Variants in TBC1D2 observed in about 807,000 individuals in gnomAD.
The protein encoded by TBC1D2 is TBC1 domain family member 2A.
A neutral mutation model predicts 91.1 loss-of-function variants in TBC1D2; 58 were observed. That is an observed-to-expected ratio of 0.64 (90% CI 0.52 to 0.79). The LOEUF is 0.79. Ranked by LOEUF, TBC1D2 falls within the 30% of genes least tolerant of loss-of-function variation. TBC1D2 has a pLI of 0.00. For synonymous variants in TBC1D2, 482 were observed against 511.5 expected, an observed-to-expected ratio of 0.94 and a Z score of 0.78; for missense variants, 1,080 against 1,208.3, an observed-to-expected ratio of 0.89 and a Z score of 1.57.
intron 2 of TBC1D2, among the ~76,000 whole-genome samples, chr9:98,245,649 A>G (rs1316588866): frequency 1.3e-5 from 2 of 152,230 alleles, no homozygotes. Context: ...CAATCTTAAC[A>G]GTGGTTTGAG....
chr9:98,247,195 C>T (rs1829781480), intron 2 of TBC1D2, among the ~76,000 whole-genome samples: 1 of 151,874 alleles, frequency 6.6e-6, no homozygotes, highest in African/African-American at 2.4e-5. Context: ...GGCGTGGTGA[C>T]GTGTGCCTGT....
intron 1 of TBC1D2, among the ~76,000 whole-genome samples, chr9:98,254,420 T>C (rs1168957766): frequency 1.3e-5 from 2 of 152,206 alleles, no homozygotes; most frequent in Non-Finnish European, 2.9e-5. Context: ...TGTACATGCC[T>C]GTGATGTGTC....
chr9:98,199,251 G>A lies in TBC1D2; in HGVS notation c.*130C>T. The A allele has an allele frequency of 2.0e-6, 2 of 990,274 alleles. No homozygotes were observed. Among genetic ancestry groups the A allele is most frequent in the Middle Eastern group, 3.2e-4 (1 of 3,136 alleles). The allele number at this position is 990,274 out of a possible 1,614,324, so 61.3% of individuals were successfully genotyped here. ...CCCAGTGGGGAAACTGAGGGCCAGA[G>A]AGGGGAAGGGACATGTCCAAGGTCA... On this transcript the variant is annotated 3_prime_UTR_variant, in exon 13 of 13. Transcript: ENST00000465784.
At chr9:98,238,420 A>G (rs1301126409) in intron 3 of TBC1D2, among the ~76,000 whole-genome samples, 1 of 137,230 alleles carries the variant, frequency 7.3e-6, no homozygotes, top group Non-Finnish European at 1.5e-5. Flanking sequence ...AATACAACTG[A>G]TATTTCTATA....
chr9:98,206,850 T>TGG (rs1828667579), intron 9 of TBC1D2, among the ~76,000 whole-genome samples: 1 of 152,272 alleles, frequency 6.6e-6, no homozygotes, highest in Admixed American at 6.5e-5. Context: ...AGGCCCCCAT[T>TGG]ATGCTTTACT....
chr9:98,201,573 A>G lies in TBC1D2; in HGVS notation c.2363T>C (p.Val788Ala). ...LGQHHVDLSL[V>A]TFNWFLVVFA... The stretch of plus-strand genomic sequence containing the variant: ...GACCACGAGGAACCAGTTGAAGGTG[A>G]CGAGGGAGAGATCCACGTGGTGCTG... Residue 788 changes from valine to alanine, a missense_variant, in exon 11 of 13, where the codon GTC becomes GCC. Val to Ala is a moderately conservative substitution (Grantham distance 64). Transcript: ENST00000465784. 2.5e-6 allele frequency: 4 copies of G among 1,614,158 alleles called. No homozygotes were observed. The highest frequency in any genetic ancestry group is 3.4e-6 in the Non-Finnish European group (4 of 1,180,026).
At chr9:98,247,950 A>G (rs1829800494) in intron 2 of TBC1D2, among the ~76,000 whole-genome samples, 1 of 152,166 alleles carries the variant, frequency 6.6e-6, no homozygotes, top group Non-Finnish European at 1.5e-5. Context: ...AACTGCTAAT[A>G]TCTGTTTTCT....
At chr9:98,253,930 A>G (rs1731630742) in intron 1 of TBC1D2, among the ~76,000 whole-genome samples, 3 of 152,200 alleles carry the variant, frequency 2.0e-5, no homozygotes, top group African/African-American at 4.8e-5. Flanking sequence ...GAACAATGGA[A>G]TACTATTATA....
At chr9:98,246,671 A>C (rs1238405782) in intron 2 of TBC1D2, among the ~76,000 whole-genome samples, 2 of 152,044 alleles carry the variant, frequency 1.3e-5, no homozygotes, top group Non-Finnish European at 2.9e-5. Context: ...AGTCTTTCCA[A>C]CCCAGGTCAG....
At chr9:98,233,341 G>A (rs1829417719) in intron 4 of TBC1D2, 75 bp downstream of exon 4, 1 of 1,529,932 alleles carries the variant, frequency 6.5e-7, no homozygotes. Context: ...TGGTTCGCTG[G>A]AAGGAAAGAA....
chr9:98,206,935 C>A (rs1448100868), intron 9 of TBC1D2, among the ~76,000 whole-genome samples: 1 of 152,236 alleles, frequency 6.6e-6, no homozygotes, highest in African/African-American at 2.4e-5. Flanking sequence ...CCCTTCACAG[C>A]TATTCTTAGA....
Position 98,251,862 on chromosome 9 carries a change from T to A in TBC1D2, c.434A>T (p.His145Leu). 6.2e-7 allele frequency: 1 copy of A among 1,605,256 alleles called. No individual in the cohort carries two copies. The highest frequency in any genetic ancestry group is 1.1e-5 in the South Asian group (1 of 90,222). The change falls in exon 2 of 13, where the codon CAC becomes CTC. Residue 145 changes from histidine (H) to leucine (L), a missense_variant. By Grantham distance (99) the His-to-Leu change is moderately conservative (BLOSUM62 -3). Coordinates refer to ENST00000465784, the MANE Select transcript of TBC1D2 (RefSeq NM_001267571.2). ...QQLQMKRWEF[H>L]NSPPAPPATP... ...GGCAGGAGGTGCCGGCGGGCTGTTG[T>A]GGAATTCCCAGCGCTTCATCTGCAG...
chr9:98,213,116 G>A lies in TBC1D2; in HGVS notation c.1477C>T (p.Leu493=). 1 of 1,614,182 alleles carries A rather than the reference G, an allele frequency of 6.2e-7. No individual in the cohort carries two copies. Residue 493 remains leucine (L), a synonymous_variant, in exon 7 of 13, where the codon CTG becomes TTG. Transcript: ENST00000465784. ...RKVAEKEKAL[L]TKCAYLQARN... is the part of the protein sequence containing the mutation. ...AGGGCCCCACCCCGCACCTTCGTCA[G>A]AAGGGCCTTCTCCTTCTCAGCCACC...
chr9:98,251,653 C>A, intron 2 of TBC1D2, 132 bp downstream of exon 2: 1 of 1,342,668 alleles, frequency 7.4e-7, no homozygotes. Flanking sequence ...CTTGCCCTAA[C>A]TAATCCTGAG....
chr9:98,251,141 C>A (rs915453467), intron 2 of TBC1D2, among the ~76,000 whole-genome samples: 1 of 152,028 alleles, frequency 6.6e-6, no homozygotes, highest in Non-Finnish European at 1.5e-5. Context: ...AAAAATTAGC[C>A]GGGCGTGGTG....
At chr9:98,244,917 A>C (rs1042446524) in intron 2 of TBC1D2, among the ~76,000 whole-genome samples, 1 of 152,122 alleles carries the variant, frequency 6.6e-6, no homozygotes, top group Non-Finnish European at 1.5e-5. Flanking sequence ...ACCTGTATGG[A>C]ATATAATATT....
At chr9:98,218,288 C>G (rs2119068635) in intron 6 of TBC1D2, among the ~76,000 whole-genome samples, 1 of 152,190 alleles carries the variant, frequency 6.6e-6, no homozygotes, top group Non-Finnish European at 1.5e-5. Flanking sequence ...AATTCATGGC[C>G]AGGTGCGGTG....
intron 3 of TBC1D2, among the ~76,000 whole-genome samples, chr9:98,243,144 A>ATG (rs968496167): frequency 5.3e-5 from 8 of 151,756 alleles, no homozygotes; most frequent in Admixed American, 3.3e-4. Context: ...ATATATATAT[A>ATG]ATATATTATT....
chr9:98,224,968 C>T (rs988869263), intron 5 of TBC1D2, among the ~76,000 whole-genome samples: 3 of 152,196 alleles, frequency 2.0e-5, no homozygotes, highest in African/African-American at 7.2e-5. Flanking sequence ...TGTCCCTCCC[C>T]AAGCTGACAT....
Sources: allele counts gnomAD v4.1 joint callset (sites outside exome capture counted in the v4.1 genomes callset), GRCh38; gene constraint gnomAD v4.1.1; transcripts MANE v1.5; gene names NCBI Gene and HGNC (gene_info 2026-07-23, HGNC 2026-07-21).